The following RANBP17 variants were observed in gnomAD, a reference collection of about 807,000 sequenced individuals.
The protein encoded by RANBP17 is ran-binding protein 17.
A neutral mutation model predicts 141.2 loss-of-function variants in RANBP17; 158 were observed. That is an observed-to-expected ratio of 1.12 (90% CI 0.98 to 1.28). RANBP17 has a LOEUF of 1.28. RANBP17 is among the 50% of genes most tolerant of loss of function. The pLI is 0.00. For synonymous variants in RANBP17, 430 were observed against 450.0 expected (o/e 0.96, Z 0.56); for missense variants, 1,438 against 1,290.7 (o/e 1.11, Z -1.75).
At chr5:170,884,313 C>T (rs2049087559) in intron 3 of RANBP17, among the ~76,000 whole-genome samples, 1 of 152,114 alleles carries the variant, frequency 6.6e-6, no homozygotes, top group South Asian at 2.1e-4. Context: ...TTTGACTCCC[C>T]CAAAACTTAA....
At chr5:170,866,484 G>A (rs950815083) in intron 1 of RANBP17, among the ~76,000 whole-genome samples, 5 of 152,074 alleles carry the variant, frequency 3.3e-5, no homozygotes, top group African/African-American at 1.2e-4. Flanking sequence ...GACCATCCTG[G>A]CTAACACAGT....
At chr5:171,103,807 G>C (rs573326129) in intron 14 of RANBP17, among the ~76,000 whole-genome samples, 1 of 152,150 alleles carries the variant, frequency 6.6e-6, no homozygotes, top group Non-Finnish European at 1.5e-5. Context: ...GGAGTGCACC[G>C]TTCCTCAAGG....
intron 14 of RANBP17, among the ~76,000 whole-genome samples, chr5:171,049,109 C>T (rs1489464224): frequency 6.6e-6 from 1 of 152,154 alleles, no homozygotes; most frequent in Non-Finnish European, 1.5e-5. Flanking sequence ...AGTTTATAAG[C>T]ATTCCCTTTT....
chr5:171,079,641 C>CA (rs1374730375), intron 14 of RANBP17, among the ~76,000 whole-genome samples: 1 of 151,998 alleles, frequency 6.6e-6, no homozygotes, highest in Admixed American at 6.6e-5. Context: ...CCTCTGCCAG[C>CA]AAAAAAATTA....
intron 12 of RANBP17, among the ~76,000 whole-genome samples, chr5:170,942,472 G>C (rs1774407909): frequency 6.6e-6 from 1 of 152,132 alleles, no homozygotes; most frequent in African/African-American, 2.4e-5. Flanking sequence ...GATGTTTAAT[G>C]AAAAGCAACT....
chr5:170,868,460 T>C lies in RANBP17; in HGVS notation c.18+6409T>C, dbSNP rs1767452133. Among the ~76,000 whole-genome samples the C allele has an allele frequency of 2.0e-5, 3 of 152,142 alleles. No individual in the cohort carries two copies. In the South Asian group the frequency reaches 6.2e-4, roughly 32 times the overall value. On this transcript the variant is annotated intron_variant, in intron 1 of 27. Coordinates refer to ENST00000523189, the MANE Select transcript of RANBP17 (RefSeq NM_022897.5). ...GTTGTTGTTGTATTTTTTGAAGAGA[T>C]GGCATTTTGCCACATTGGCCAGGCT...
At chr5:170,992,715 G>A (rs1778585123) in intron 14 of RANBP17, among the ~76,000 whole-genome samples, 1 of 152,040 alleles carries the variant, frequency 6.6e-6, no homozygotes. Flanking sequence ...GGGTATAGGA[G>A]AGTGGGAGAG....
intron 19 of RANBP17, 127 bp from the exon 20 acceptor site, chr5:171,205,395 AAG>A: frequency 1.5e-6 from 1 of 686,360 alleles, no homozygotes; most frequent in Non-Finnish European, 2.5e-6. Flanking sequence ...TTTCTGTAGA[AAG>A]AGGTCTGAAC....
intron 14 of RANBP17, chr5:170,968,745 A>G (rs1052994785): frequency 3.1e-5 from 14 of 455,470 alleles, no homozygotes; most frequent in Middle Eastern, 3.2e-4. Context: ...GGCTTCTAGT[A>G]TATTTCACTA....
chr5:171,126,301 C>T (rs1756466475), intron 14 of RANBP17, among the ~76,000 whole-genome samples: 1 of 151,934 alleles, frequency 6.6e-6, no homozygotes, highest in African/African-American at 2.4e-5. Context: ...CATACCAAAA[C>T]CTATGTGATA....
intron 18 of RANBP17, among the ~76,000 whole-genome samples, chr5:171,187,462 G>A (rs943842444): frequency 1.3e-5 from 2 of 151,526 alleles, no homozygotes; most frequent in Admixed American, 1.3e-4. Context: ...AAAAAGTGTG[G>A]TATCTGTGAA....
intron 25 of RANBP17, 30 bp from the exon 26 acceptor site, chr5:171,293,853 T>C (rs371369090): frequency 2.1e-4 from 323 of 1,531,914 alleles, no homozygotes; most frequent in Non-Finnish European, 2.7e-4. Context: ...AGACAAGGCA[T>C]CTCAATCTTT....
intron 6 of RANBP17, 22 bp downstream of exon 6, chr5:170,909,787 C>A: frequency 8.7e-7 from 1 of 1,148,882 alleles, no homozygotes; most frequent in Non-Finnish European, 1.3e-6. Context: ...GATAATTCAA[C>A]TTCCTAGTTA....
chr5:171,073,639 G>A (rs540415018), intron 14 of RANBP17, among the ~76,000 whole-genome samples: 35 of 152,226 alleles, frequency 2.3e-4, no homozygotes, highest in African/African-American at 8.2e-4. Flanking sequence ...TAGTGTACAT[G>A]TGTGTAAAGG....
At chr5:171,043,513 T>G (rs1397366523) in intron 14 of RANBP17, among the ~76,000 whole-genome samples, 17 of 152,144 alleles carry the variant, frequency 1.1e-4, no homozygotes, top group Non-Finnish European at 1.2e-4. Context: ...CATATGCCAT[T>G]CATTTGGGTG....
chr5:170,920,404 T>C (rs1772342193), intron 11 of RANBP17, among the ~76,000 whole-genome samples: 1 of 152,152 alleles, frequency 6.6e-6, no homozygotes, highest in Admixed American at 6.5e-5. Context: ...CCTTAATGAC[T>C]AATAATGTTG....
At chr5:171,280,374 C>T (rs1002186297) in intron 25 of RANBP17, among the ~76,000 whole-genome samples, 5 of 152,128 alleles carry the variant, frequency 3.3e-5, no homozygotes, top group African/African-American at 1.2e-4. Context: ...GCCTCCCAGG[C>T]TCAAACGATC....
chr5:170,902,673 T>G (rs1770743316), intron 5 of RANBP17, among the ~76,000 whole-genome samples: 1 of 152,256 alleles, frequency 6.6e-6, no homozygotes, highest in East Asian at 1.9e-4. Context: ...ACCTTTGGTC[T>G]TTGATGTTGG....
At chr5:171,008,137 C>T (rs891390546) in intron 14 of RANBP17, among the ~76,000 whole-genome samples, 2 of 152,202 alleles carry the variant, frequency 1.3e-5, no homozygotes, top group African/African-American at 2.4e-5. Context: ...AATCTGTGAC[C>T]GGTGCCGGAG....
Sources: gnomAD v4.1 joint callset for allele counts (sites outside exome capture counted in the v4.1 genomes callset) on GRCh38, gnomAD v4.1.1 for gene constraint, MANE v1.5 for transcripts, NCBI Gene and HGNC (gene_info 2026-07-23, HGNC 2026-07-21) for gene names.